The following AXDND1 variants were observed in gnomAD, a reference collection of about 807,000 sequenced individuals.
AXDND1 encodes axonemal dynein light chain domain containing 1, also known as axonemal dynein light chain domain-containing protein 1.
AXDND1 carries 110 observed loss-of-function variants against 137.5 expected under a neutral mutation model. The ratio of observed to expected loss-of-function variants is 0.80; its 90% confidence interval spans 0.69 to 0.94. The LOEUF is 0.94. Among genes scored for constraint, AXDND1 ranks in the 40% least tolerant of loss-of-function variants. AXDND1 has a pLI of 0.00. For synonymous variants in AXDND1, 414 were observed against 399.7 expected (o/e 1.04, Z -0.43); for missense variants, 1,191 against 1,169.8 (o/e 1.02, Z -0.26).
chr1:179,488,602 CTTTT>C (rs1666354616), intron 18 of AXDND1, among the ~76,000 whole-genome samples: 2 of 87,320 alleles, frequency 2.3e-5, no homozygotes, highest in African/African-American at 4.1e-5. Flanking sequence ...TTCTTTCTTT[CTTTT>C]TCTTTCTTTC....
chr1:179,421,046 T>G (rs977086449), intron 12 of AXDND1, among the ~76,000 whole-genome samples: 2 of 75,402 alleles, frequency 2.7e-5, no homozygotes, highest in African/African-American at 1.1e-4. Flanking sequence ...CCTTCCTTCC[T>G]TCCTTCCTTC....
At chr1:179,366,207 C>T (rs906557783) in intron 1 of AXDND1, 197 bp from the exon 2 acceptor site, 13 of 175,598 alleles carry the variant, frequency 7.4e-5, no homozygotes, top group Non-Finnish European at 1.6e-4. Context: ...CCGAGCGGGT[C>T]CTTCCTGCCC....
intron 25 of AXDND1, chr1:179,544,312 C>T (rs1341183614): frequency 1.4e-4 from 21 of 152,106 alleles, no homozygotes. Flanking sequence ...GAAAATAATG[C>T]TTTTTGAAAA....
At chr1:179,526,649 A>G (rs1670557608) in intron 22 of AXDND1, among the ~76,000 whole-genome samples, 1 of 152,220 alleles carries the variant, frequency 6.6e-6, no homozygotes, top group African/African-American at 2.4e-5. Context: ...TAGGTCTTCT[A>G]CTCACTGCAC....
intron 21 of AXDND1, among the ~76,000 whole-genome samples, chr1:179,522,083 C>T (rs1204697889): frequency 6.6e-6 from 1 of 152,018 alleles, no homozygotes; most frequent in Non-Finnish European, 1.5e-5. Context: ...CAAATATTGC[C>T]TCTACTGCAT....
chr1:179,529,132 T>C (rs1398945301), intron 23 of AXDND1, among the ~76,000 whole-genome samples: 3 of 152,236 alleles, frequency 2.0e-5, no homozygotes, highest in Non-Finnish European at 4.4e-5. Flanking sequence ...AGGACCATGG[T>C]AGACTTCAGT....
At position 179,529,121 on chromosome 1, in the gene AXDND1, T is replaced by C. The variant is rs903321640; in HGVS notation, c.2715+690T>C. ...AAATGTCTCCACAGAAGTTTGGTTG[T>C]AGGACCATGGTAGACTTCAGTTAGC... On this transcript the variant is annotated intron_variant, in intron 23 of 25. Transcript: ENST00000367618. Among the ~76,000 whole-genome samples, 12 of 152,228 alleles carry C rather than the reference T, an allele frequency of 7.9e-5. 1 individual carries two copies. Among genetic ancestry groups the C allele is most frequent in the Admixed American group, 4.6e-4 (7 of 15,286 alleles).
intron 17 of AXDND1, among the ~76,000 whole-genome samples, chr1:179,478,778 G>A (rs1303583132): frequency 1.3e-5 from 2 of 152,146 alleles, no homozygotes; most frequent in Non-Finnish European, 1.5e-5. Context: ...CAAATTTTCT[G>A]AACTTTTATG....
chr1:179,489,753 T>C lies in AXDND1; in HGVS notation c.2092-1785T>C, dbSNP rs1572056161. Among the ~76,000 whole-genome samples the C allele has an allele frequency of 2.7e-5, 4 of 146,236 alleles. No individual in the cohort carries two copies. The South Asian group carries it at 8.7e-4, about 32-fold the overall frequency. On this transcript the variant is annotated intron_variant, in intron 18 of 25. Transcript: ENST00000367618. ...GGCTACTACTTTTCTTTTTTTTTTT[T>C]TTTTTTTTTTGAGACGGAGTCTCGC...
At chr1:179,500,026 CTCTT>C (rs1374257920) in intron 20 of AXDND1, among the ~76,000 whole-genome samples, 2 of 152,058 alleles carry the variant, frequency 1.3e-5, no homozygotes, top group Non-Finnish European at 1.5e-5. Context: ...CTTATACAGA[CTCTT>C]TCAGGGTCTA....
intron 17 of AXDND1, among the ~76,000 whole-genome samples, chr1:179,481,775 A>C (rs1665423200): frequency 6.6e-6 from 1 of 152,118 alleles, no homozygotes; most frequent in Admixed American, 6.5e-5. Flanking sequence ...TGGCTGCATA[A>C]ATTATCTATT....
chr1:179,398,217 GA>G (rs1432876776), intron 11 of AXDND1, among the ~76,000 whole-genome samples: 1 of 152,130 alleles, frequency 6.6e-6, no homozygotes, highest in Non-Finnish European at 1.5e-5. Flanking sequence ...GTATAAAATG[GA>G]TTCAACCAAC....
chr1:179,406,532 C>CATACATCTGGGTGT (rs1652999364), intron 11 of AXDND1, among the ~76,000 whole-genome samples: 1 of 151,896 alleles, frequency 6.6e-6, no homozygotes, highest in Non-Finnish European at 1.5e-5. Context: ...CATCTGGGTG[C>CATACATCTGGGTGT]TCCAGGGTTG....
chr1:179,379,301 T>C, intron 5 of AXDND1, 96 bp from the exon 6 acceptor site: 2 of 1,321,492 alleles, frequency 1.5e-6, no homozygotes, highest in Non-Finnish European at 2.0e-6. Context: ...ACTTAAAAAA[T>C]AGTATCTCTT....
chr1:179,378,694 A>T lies in AXDND1; in HGVS notation c.432A>T (p.Ala144=), dbSNP rs377083311. 28 of 1,600,206 alleles carry T rather than the reference A, an allele frequency of 1.7e-5. No homozygotes were observed. Among genetic ancestry groups the T allele is most frequent in the Admixed American group, 5.1e-5 (3 of 59,300 alleles). The change falls in exon 5 of 26, where the codon GCA becomes GCT. Residue 144 remains alanine (A), a synonymous_variant. Transcript: ENST00000367618. Reference sequence around the variant, plus strand: ...CCAAAGGACAGACTAGGGAGAAGGCAGTTTGTCCCCCACATTTGGCCCGTT... The same window carrying T: ...CCAAAGGACAGACTAGGGAGAAGGCTGTTTGTCCCCCACATTTGGCCCGTT... ...TYAKGQTREK[A]VCPPHLARSL...
In AXDND1 at chr1:179,494,456, G is replaced by C. The variant is rs138207878; in HGVS notation, c.2388+1505G>C. Among the ~76,000 whole-genome samples the C allele has an allele frequency of 2.5e-3, 383 of 150,636 alleles. 1 individual carries two copies. Among genetic ancestry groups the C allele is most frequent in the African/African-American group, 8.7e-3 (358 of 41,128 alleles). ...GATTTGTTTGTTTCCTTATTATTGA[G>C]TTTAGACAGCTGTTTTTTTTCTCGA... On this transcript the variant is annotated intron_variant, in intron 20 of 25. Transcript: ENST00000367618.
At chr1:179,533,726 A>T in intron 23 of AXDND1, 69 bp from the exon 24 acceptor site, 2 of 1,235,602 alleles carry the variant, frequency 1.6e-6, no homozygotes, top group Non-Finnish European at 2.4e-6. Flanking sequence ...GATCCAGAAC[A>T]TCCTAAAAAA....
intron 25 of AXDND1, among the ~76,000 whole-genome samples, chr1:179,549,682 A>G (rs528682384): frequency 6.6e-6 from 1 of 152,236 alleles, no homozygotes; most frequent in South Asian, 2.1e-4. Context: ...TCCTGAGATC[A>G]GGAACCGTCA....
intron 16 of AXDND1, among the ~76,000 whole-genome samples, chr1:179,459,712 CTTTTTCTTTCTTTCCTTCCTTCCTTT>C (rs1558210903): frequency 6.9e-6 from 1 of 144,104 alleles, no homozygotes; most frequent in East Asian, 2.1e-4. Context: ...TCCTTTCTTT[CTTTTTCTTTCTTTCCTTCCTTCCTTT>C]TTTCCTTCCT....
Sources: gnomAD v4.1 joint callset for allele counts (sites outside exome capture counted in the v4.1 genomes callset) on GRCh38, gnomAD v4.1.1 for gene constraint, MANE v1.5 for transcripts, NCBI Gene and HGNC (gene_info 2026-07-23, HGNC 2026-07-21) for gene names.